PLCL1: variants seen among roughly 807,000 people sequenced by gnomAD.
PLCL1 encodes the protein inactive phospholipase C-like protein 1.
PLCL1 carries 41 observed loss-of-function variants against 84.4 expected under a neutral mutation model. The ratio of observed to expected loss-of-function variants is 0.49; its 90% CI spans 0.38 to 0.63. The LOEUF is 0.63. Among genes scored for constraint, PLCL1 ranks in the 30% least tolerant of loss-of-function variants. PLCL1 has a pLI of 0.00. For missense variants in PLCL1, 1,206 were observed against 1,367.8 expected (o/e 0.88, Z 1.87); for synonymous variants, 490 against 488.3 (o/e 1.00, Z -0.05).
intron 1 of PLCL1, among the ~76,000 whole-genome samples, chr2:197,965,161 A>G (rs1227085131): frequency 2.0e-5 from 3 of 152,004 alleles, no homozygotes; most frequent in African/African-American, 7.2e-5. Context: ...TATTTGGTAA[A>G]ATTCAGCAGT....
intron 1 of PLCL1, among the ~76,000 whole-genome samples, chr2:198,023,032 T>C (rs983727261): frequency 1.1e-4 from 16 of 152,180 alleles, no homozygotes; most frequent in Admixed American, 8.5e-4. Context: ...AATAGCATGG[T>C]GCTGGTACCA....
intron 1 of PLCL1, among the ~76,000 whole-genome samples, chr2:198,010,611 GT>G (rs895884078): frequency 6.6e-5 from 10 of 151,474 alleles, no homozygotes; most frequent in Admixed American, 1.3e-4. Context: ...TTGGTCTACA[GT>G]TTTTTTTGTG....
chr2:197,916,901 C>T (rs1469629619), intron 1 of PLCL1, among the ~76,000 whole-genome samples: 3 of 152,080 alleles, frequency 2.0e-5, no homozygotes, highest in Non-Finnish European at 4.4e-5. Context: ...CAAGATTAGG[C>T]ATGTTCAAGG....
intron 1 of PLCL1, among the ~76,000 whole-genome samples, chr2:197,866,138 T>C (rs1312492379): frequency 0.014 from 185 of 13,546 alleles, 52 homozygotes; most frequent in African/African-American, 0.022. Flanking sequence ...TATATATATA[T>C]AAACTATATA....
chr2:198,091,140 A>G (rs1329762361), intron 3 of PLCL1, among the ~76,000 whole-genome samples: 1 of 152,172 alleles, frequency 6.6e-6, no homozygotes, highest in African/African-American at 2.4e-5. Context: ...CTTATACCAC[A>G]TGGTAAACTT....
At chr2:197,999,311 A>G (rs1690542663) in intron 1 of PLCL1, among the ~76,000 whole-genome samples, 1 of 152,228 alleles carries the variant, frequency 6.6e-6, no homozygotes, top group Non-Finnish European at 1.5e-5. Context: ...ATCTACATAC[A>G]ATCATTTAGC....
At chr2:198,043,733 T>C (rs992213425) in intron 1 of PLCL1, among the ~76,000 whole-genome samples, 15 of 151,848 alleles carry the variant, frequency 9.9e-5, no homozygotes, top group African/African-American at 3.6e-4. Context: ...GAGAACAGGT[T>C]TGGTTGGGGG....
intron 1 of PLCL1, among the ~76,000 whole-genome samples, chr2:197,866,010 CAAAAAA>C (rs1171570991): frequency 0.013 from 149 of 11,828 alleles, 2 homozygotes; most frequent in African/African-American, 0.014. Flanking sequence ...AACCTATCTC[CAAAAAA>C]AAAAAAAAAA....
rs370775177 is a variant in PLCL1 at position 197,943,448 on chromosome 2, C to T, written c.240+138109C>T. Among the ~76,000 whole-genome samples, 1,452 of 152,104 alleles carry T rather than the reference C, an allele frequency of 9.5e-3. 26 individuals are homozygous for T. Among genetic ancestry groups the T allele is most frequent in the African/African-American group, 0.033 (1,373 of 41,488 alleles). ...GTGCCATTTGCTAGAAGAATCACTT[C>T]GTTTTTAACTGTTTGTTCTGGTATT... On this transcript the variant is annotated intron_variant, in intron 1 of 5. Transcript: ENST00000428675.
At chr2:198,015,334 A>G (rs141889647) in intron 1 of PLCL1, among the ~76,000 whole-genome samples, 26 of 152,296 alleles carry the variant, frequency 1.7e-4, no homozygotes, top group Non-Finnish European at 3.5e-4. Flanking sequence ...TATAAAAAGC[A>G]ATATAGTACT....
In PLCL1 at chr2:197,970,081, C is replaced by CAACATATA. The variant is rs1689829376; in HGVS notation, c.241-113677_241-113676insAACATATA. Among the ~76,000 whole-genome samples, 3 of 152,276 alleles carry CAACATATA rather than the reference C, an allele frequency of 2.0e-5. No homozygotes were observed. The East Asian group carries it at 5.8e-4, about 29-fold the overall frequency. On this transcript the variant is annotated intron_variant, in intron 1 of 5. Transcript: ENST00000428675. ...GAAGTATGGCATCTTATTTCATTTT[C>CAACATATA]TGTTGCTGTAACGGAATACTCAAGA...
At chr2:197,814,748 A>G (rs1690655051) in intron 1 of PLCL1, among the ~76,000 whole-genome samples, 2 of 152,206 alleles carry the variant, frequency 1.3e-5, no homozygotes, top group African/African-American at 4.8e-5. Flanking sequence ...CAGGAAGCAT[A>G]TGAATGATAA....
chr2:197,854,473 T>C (rs1366353670), intron 1 of PLCL1, among the ~76,000 whole-genome samples: 1 of 152,148 alleles, frequency 6.6e-6, no homozygotes, highest in Non-Finnish European at 1.5e-5. Flanking sequence ...CATGCTTCTT[T>C]AGTTTCCAGC....
At chr2:198,093,893 A>G (rs1355281403) in intron 3 of PLCL1, among the ~76,000 whole-genome samples, 3 of 152,050 alleles carry the variant, frequency 2.0e-5, no homozygotes, top group Non-Finnish European at 2.9e-5. Flanking sequence ...GAAAACACTG[A>G]CCCTGAGTTC....
At chr2:197,959,722 G>T (rs1440586014) in intron 1 of PLCL1, among the ~76,000 whole-genome samples, 1 of 151,920 alleles carries the variant, frequency 6.6e-6, no homozygotes, top group African/African-American at 2.4e-5. Flanking sequence ...ATAAAAATCT[G>T]TATTTCTAGT....
At chr2:198,078,850 T>C (rs1168673556) in intron 1 of PLCL1, among the ~76,000 whole-genome samples, 2 of 152,160 alleles carry the variant, frequency 1.3e-5, no homozygotes, top group Non-Finnish European at 2.9e-5. Flanking sequence ...TGTACAATGC[T>C]TCAGTGTGCA....
intron 1 of PLCL1, among the ~76,000 whole-genome samples, chr2:198,001,096 G>T (rs75877538): frequency 0.024 from 3,584 of 152,214 alleles, 62 homozygotes; most frequent in Middle Eastern, 0.044. Flanking sequence ...GCCTCCTCAT[G>T]GGGTTGTTTA....
At chr2:198,062,862 A>C (rs1692234994) in intron 1 of PLCL1, among the ~76,000 whole-genome samples, 1 of 152,212 alleles carries the variant, frequency 6.6e-6, no homozygotes, top group South Asian at 2.1e-4. Context: ...TTTGGGACCA[A>C]TGATGTAATG....
rs189594239 is a variant in PLCL1, at chr2:197,889,445, C to A, written c.240+84106C>A. Among the ~76,000 whole-genome samples, 723 of 152,026 alleles carry A rather than the reference C, an allele frequency of 4.8e-3. 1 individual carries two copies. The highest frequency in any genetic ancestry group is 6.6e-3 in the Non-Finnish European group (446 of 67,904). Reference sequence around the variant, plus strand: ...TTGAGCTGCTTTAACCAAAAAAAAACAGGCTTTAAAAGCTCTTCCTATACT... The same window carrying A: ...TTGAGCTGCTTTAACCAAAAAAAAAAAGGCTTTAAAAGCTCTTCCTATACT... On this transcript the variant is annotated intron_variant, in intron 1 of 5. Transcript: ENST00000428675.
Sources: allele counts gnomAD v4.1 joint callset (sites outside exome capture counted in the v4.1 genomes callset), GRCh38; gene constraint gnomAD v4.1.1; transcripts MANE v1.5; gene names NCBI Gene and HGNC (gene_info 2026-07-23, HGNC 2026-07-21).